Variants in VKORC1L1 observed in about 807,000 individuals in gnomAD.
The protein encoded by VKORC1L1 is vitamin K epoxide reductase complex subunit 1L1.
VKORC1L1 carries 2 observed loss-of-function variants against 18.9 expected under a neutral mutation model. The observed-to-expected ratio is 0.11, with a 90% confidence interval of 0.04 to 0.33. The LOEUF is 0.33. VKORC1L1 is among the 10% of genes least tolerant of loss of function. The probability of loss-of-function intolerance (pLI) is 1.00; values close to 1 mark genes in which losing one functional copy is unlikely to be tolerated. For synonymous variants in VKORC1L1, 96 were observed against 100.0 expected, an observed-to-expected ratio of 0.96 and a Z score of 0.24; for missense variants, 123 against 224.1, an observed-to-expected ratio of 0.55 and a Z score of 2.88.
At chr7:65,868,678 G>A (rs1389205604), upstream of VKORC1L1, among the ~76,000 whole-genome samples, 1 of 152,170 alleles carries the variant, frequency 6.6e-6, no homozygotes, top group Non-Finnish European at 1.5e-5. Flanking sequence ...CATCACTGTG[G>A]ATAGAACTGG....
At chr7:65,934,926 T>G (rs934349191) in intron 1 of VKORC1L1, among the ~76,000 whole-genome samples, 1 of 151,584 alleles carries the variant, frequency 6.6e-6, no homozygotes, top group Non-Finnish European at 1.5e-5. Flanking sequence ...TGGTGGTGGG[T>G]GCCTGTAATC....
At chr7:65,873,603 CG>C in intron 1 of VKORC1L1, 38 bp downstream of exon 1, 1 of 1,301,270 alleles carries the variant, frequency 7.7e-7, no homozygotes, top group South Asian at 1.3e-5. Context: ...AGCGGCCGAG[CG>C]GGGCGAGGGT....
At chr7:65,913,192 A>G (rs527909428) in intron 1 of VKORC1L1, among the ~76,000 whole-genome samples, 6 of 152,302 alleles carry the variant, frequency 3.9e-5, no homozygotes, top group Non-Finnish European at 7.4e-5. Context: ...TTTTTATGAA[A>G]TATATATCAT....
intron 1 of VKORC1L1, among the ~76,000 whole-genome samples, chr7:65,892,351 T>G (rs886841688): frequency 1.3e-5 from 2 of 152,228 alleles, no homozygotes; most frequent in African/African-American, 4.8e-5. Flanking sequence ...TTAGTTTTTT[T>G]GAGGAACGTC....
Position 65,900,996 on chromosome 7 carries a change from CAGAT to C in VKORC1L1, c.194+27432_194+27435del, listed in dbSNP as rs1418171343. On this transcript the variant is annotated intron_variant, in intron 1 of 2. Transcript: ENST00000360768. ...GAAATTTCACAGGTGAGATCCTACA[CAGAT>C]GGAGAAGAAAATGAGGCAAGAATAG... is the stretch of plus-strand genomic sequence containing the variant. Among the ~76,000 whole-genome samples, 3 of 152,142 alleles carry C rather than the reference CAGAT, an allele frequency of 2.0e-5. No individual in the cohort carries two copies. The East Asian group carries it at 5.8e-4, about 29-fold the overall frequency.
chr7:65,878,438 ACT>A (rs1488634892), intron 1 of VKORC1L1, among the ~76,000 whole-genome samples: 1 of 150,396 alleles, frequency 6.6e-6, no homozygotes. Flanking sequence ...TAAGAGGGAA[ACT>A]CTGTCTTACA....
At chr7:65,929,639 GATAT>G (rs145751275) in intron 1 of VKORC1L1, among the ~76,000 whole-genome samples, 1 of 138,118 alleles carries the variant, frequency 7.2e-6, no homozygotes, top group Non-Finnish European at 1.5e-5. Flanking sequence ...AAATGCTACT[GATAT>G]ATATATATAT....
rs746420689 is a variant in VKORC1L1, at chr7:65,958,198, C to T, written c.*3898C>T. On this transcript the variant is annotated 3_prime_UTR_variant, in exon 3 of 3. Coordinates refer to ENST00000360768, the MANE Select transcript of VKORC1L1 (RefSeq NM_173517.6). ...ACAAAAAGGGCAAGGGTGGGAGCCCCGGCTACTTGGTTAAACATTTTTTAC... is the reference window on the plus strand; with the variant it reads ...ACAAAAAGGGCAAGGGTGGGAGCCCTGGCTACTTGGTTAAACATTTTTTAC... The T allele has an allele frequency of 6.6e-6, 1 of 152,148 alleles. No homozygotes were observed. The highest frequency in any genetic ancestry group is 1.5e-5 in the Non-Finnish European group (1 of 68,024). The allele number at this position is 152,148 out of a possible 1,614,324, so 9.4% of individuals were successfully genotyped here.
chr7:65,873,807 A>G (rs1424632107), intron 1 of VKORC1L1, among the ~76,000 whole-genome samples: 4 of 148,366 alleles, frequency 2.7e-5, no homozygotes, highest in Non-Finnish European at 6.0e-5. Context: ...GGGAGGGATG[A>G]GGTGGCAGAG....
chr7:65,908,243 G>T (rs1208891630), intron 1 of VKORC1L1, among the ~76,000 whole-genome samples: 1 of 152,068 alleles, frequency 6.6e-6, no homozygotes, highest in East Asian at 1.9e-4. Flanking sequence ...TGAAACCGCC[G>T]TCCCTACTAA....
chr7:65,866,263 A>C, the VKORC1L1 span, among the ~76,000 whole-genome samples: 1 of 152,118 alleles, frequency 6.6e-6, no homozygotes, highest in Non-Finnish European at 1.5e-5. Context: ...ACACAGACCC[A>C]CCAGGAAGTG....
intron 1 of VKORC1L1, among the ~76,000 whole-genome samples, chr7:65,933,012 A>G (rs1789883319): frequency 1.4e-5 from 2 of 138,984 alleles, no homozygotes; most frequent in South Asian, 4.8e-4. Context: ...CAAGGGATGG[A>G]GGTTGCAGTG....
chr7:65,896,216 CT>C (rs1364167073), intron 1 of VKORC1L1, among the ~76,000 whole-genome samples: 3 of 151,756 alleles, frequency 2.0e-5, no homozygotes, highest in Non-Finnish European at 4.4e-5. Flanking sequence ...TATCTCACTT[CT>C]TTTGTTTAAC....
intron 1 of VKORC1L1, among the ~76,000 whole-genome samples, chr7:65,879,646 CT>C (rs377341730): frequency 2.3e-5 from 2 of 85,690 alleles, no homozygotes; most frequent in African/African-American, 1.1e-4. Context: ...TACCACTACT[CT>C]TTCGTCTTCC....
At chr7:65,943,273 G>C (rs368938029) in intron 1 of VKORC1L1, among the ~76,000 whole-genome samples, 5 of 152,018 alleles carry the variant, frequency 3.3e-5, no homozygotes, top group East Asian at 1.9e-4. Flanking sequence ...AAATAATAAG[G>C]AATTTTTGTA....
intron 1 of VKORC1L1, among the ~76,000 whole-genome samples, chr7:65,908,343 G>A (rs965741312): frequency 6.6e-6 from 1 of 151,984 alleles, no homozygotes; most frequent in African/African-American, 2.4e-5. Context: ...AACCCGGGAG[G>A]CAGAGGTTGC....
At chr7:65,934,643 G>A (rs557049536) in intron 1 of VKORC1L1, among the ~76,000 whole-genome samples, 6 of 152,214 alleles carry the variant, frequency 3.9e-5, no homozygotes, top group Non-Finnish European at 8.8e-5. Flanking sequence ...TGCTTTCTGT[G>A]CCAGGCTTAT....
At chr7:65,883,069 C>T (rs1017807821) in intron 1 of VKORC1L1, among the ~76,000 whole-genome samples, 2 of 151,202 alleles carry the variant, frequency 1.3e-5, no homozygotes, top group African/African-American at 2.4e-5. Flanking sequence ...CCCAATCATC[C>T]ATAATTTAAA....
intron 1 of VKORC1L1, among the ~76,000 whole-genome samples, chr7:65,886,577 G>A (rs561318238): frequency 2.6e-5 from 4 of 151,682 alleles, no homozygotes; most frequent in East Asian, 1.9e-4. Context: ...TCACTCTGTC[G>A]CCCAGGCTGG....
Sources: allele counts gnomAD v4.1 joint callset (sites outside exome capture counted in the v4.1 genomes callset), GRCh38; gene constraint gnomAD v4.1.1; transcripts MANE v1.5; gene names NCBI Gene and HGNC (gene_info 2026-07-23, HGNC 2026-07-21).